KCNQ5: variants seen among roughly 807,000 people sequenced by gnomAD.
The protein encoded by KCNQ5 is potassium voltage-gated channel subfamily KQT member 5.
A neutral mutation model predicts 98.2 loss-of-function variants in KCNQ5; 30 were observed. That is an observed-to-expected ratio of 0.31 (90% CI 0.23 to 0.41). KCNQ5 has a LOEUF of 0.41. Ranked by LOEUF, KCNQ5 falls within the 10% of genes least tolerant of loss-of-function variation. The probability of loss-of-function intolerance (pLI) is 1.00; values close to 1 mark genes in which losing one functional copy is unlikely to be tolerated. For missense variants in KCNQ5, 835 were observed against 1,182.5 expected (o/e 0.71, Z 4.31); for synonymous variants, 458 against 449.4 (o/e 1.02, Z -0.24).
chr6:73,006,296 G>T (rs2150325097), intron 2 of KCNQ5, among the ~76,000 whole-genome samples: 1 of 150,208 alleles, frequency 6.7e-6, no homozygotes, highest in South Asian at 2.1e-4. Context: ...CATATCGAAG[G>T]AATTACCATC....
intron 1 of KCNQ5, among the ~76,000 whole-genome samples, chr6:72,851,793 G>T (rs1777269158): frequency 6.6e-6 from 1 of 151,956 alleles, no homozygotes; most frequent in African/African-American, 2.4e-5. Context: ...GTTATTATTT[G>T]TTTGGTAAAA....
chr6:72,879,621 C>T (rs912835745), intron 1 of KCNQ5, among the ~76,000 whole-genome samples: 5 of 152,178 alleles, frequency 3.3e-5, no homozygotes, highest in African/African-American at 4.8e-5. Context: ...TTTGTTTAAT[C>T]GTCTTGTGTT....
At chr6:72,994,429 GCGT>G in intron 1 of KCNQ5, among the ~76,000 whole-genome samples, 1 of 109,040 alleles carries the variant, frequency 9.2e-6, no homozygotes, top group Non-Finnish European at 1.9e-5. Flanking sequence ...TTTTCCAGGT[GCGT>G]CCGTCACCCC....
rs770686289 is a variant in KCNQ5, at chr6:73,133,673, T to C, written c.1468+32T>C. 67 of 1,570,700 alleles carry C rather than the reference T, an allele frequency of 4.3e-5. No homozygotes were observed. In the South Asian group the frequency reaches 4.6e-4, roughly 11 times the overall value. On this transcript the variant is annotated intron_variant, in intron 10 of 13. Coordinates refer to ENST00000370398, the MANE Select transcript of KCNQ5 (RefSeq NM_019842.4). ...CCTGTTTTTCCATAACCATTTTTAATTGGATAGGCTATAGTGAGTGAGATT... is the reference window on the plus strand; with the variant it reads ...CCTGTTTTTCCATAACCATTTTTAACTGGATAGGCTATAGTGAGTGAGATT...
At chr6:73,116,535 C>T (rs1775504205) in intron 7 of KCNQ5, among the ~76,000 whole-genome samples, 1 of 152,070 alleles carries the variant, frequency 6.6e-6, no homozygotes, top group Non-Finnish European at 1.5e-5. Flanking sequence ...TGCAATGGCA[C>T]ACACCTGTAG....
At chr6:72,920,903 T>C (rs982284237) in intron 1 of KCNQ5, among the ~76,000 whole-genome samples, 6 of 152,094 alleles carry the variant, frequency 3.9e-5, no homozygotes, top group East Asian at 3.9e-4. Flanking sequence ...TTGCGTTCAA[T>C]TGGGAACAAA....
chr6:72,731,330 A>G (rs1770541215), intron 1 of KCNQ5, among the ~76,000 whole-genome samples: 1 of 152,244 alleles, frequency 6.6e-6, no homozygotes, highest in African/African-American at 2.4e-5. Flanking sequence ...AGCAGTTGTC[A>G]TTTAGAAGCA....
chr6:73,095,826 A>T (rs1350772895), intron 5 of KCNQ5, among the ~76,000 whole-genome samples: 1 of 152,200 alleles, frequency 6.6e-6, no homozygotes, highest in Non-Finnish European at 1.5e-5. Context: ...GGTGTCTCCT[A>T]GGTCCTTCAG....
intron 3 of KCNQ5, among the ~76,000 whole-genome samples, chr6:73,050,599 T>C (rs1034821885): frequency 5.9e-5 from 9 of 152,234 alleles, no homozygotes; most frequent in Non-Finnish European, 1.3e-4. Flanking sequence ...TTACATGCGC[T>C]CAATTTTTAT....
intron 1 of KCNQ5, among the ~76,000 whole-genome samples, chr6:72,716,770 T>C (rs1769665265): frequency 6.6e-6 from 1 of 152,174 alleles, no homozygotes; most frequent in Non-Finnish European, 1.5e-5. Context: ...AGAGAGAAGA[T>C]TGTGTTTTCA....
At chr6:73,189,066 A>G (rs1765492263) in intron 11 of KCNQ5, among the ~76,000 whole-genome samples, 1 of 151,862 alleles carries the variant, frequency 6.6e-6, no homozygotes, top group Non-Finnish European at 1.5e-5. Context: ...ATATTTACAT[A>G]ATTGCTCAGG....
chr6:73,191,486 T>A (rs1765586539), intron 12 of KCNQ5, among the ~76,000 whole-genome samples: 1 of 152,198 alleles, frequency 6.6e-6, no homozygotes, highest in South Asian at 2.1e-4. Context: ...TAAATTCAGT[T>A]TTTTAAGAGC....
At position 73,160,179 on chromosome 6, in the gene KCNQ5, G is replaced by GTTT. The variant is rs543691292; in HGVS notation, c.1469-9559_1469-9557dup. On this transcript the variant is annotated intron_variant, in intron 10 of 13. Coordinates refer to ENST00000370398, the MANE Select transcript of KCNQ5 (RefSeq NM_019842.4). ...CAGGCACCCACCACGACGCCCGGCTGTTTTTTTTTTGTATTTTTAGTAGAG... is the reference window on the plus strand; with the variant it reads ...CAGGCACCCACCACGACGCCCGGCTGTTTTTTTTTTTTTGTATTTTTAGTAGAG... Among the ~76,000 whole-genome samples the GTTT allele has an allele frequency of 3.0e-4, 45 of 147,902 alleles. No homozygotes were observed. In the East Asian group the frequency reaches 3.8e-3, roughly 12 times the overall value.
At chr6:72,642,017 T>G (rs1162565641) in intron 1 of KCNQ5, among the ~76,000 whole-genome samples, 1 of 151,598 alleles carries the variant, frequency 6.6e-6, no homozygotes, top group Non-Finnish European at 1.5e-5. Context: ...TGGTCCTGAT[T>G]CAGAGCTACT....
intron 2 of KCNQ5, among the ~76,000 whole-genome samples, chr6:73,033,723 T>TC (rs1771258275): frequency 1.3e-5 from 2 of 151,246 alleles, no homozygotes; most frequent in South Asian, 4.2e-4. Flanking sequence ...ATGACCCCCT[T>TC]CCCCCCATAC....
chr6:73,044,768 G>C (rs1243009346), intron 3 of KCNQ5, among the ~76,000 whole-genome samples: 4 of 152,110 alleles, frequency 2.6e-5, no homozygotes, highest in Non-Finnish European at 5.9e-5. Flanking sequence ...AAAAGAAATA[G>C]CATCTCTTAT....
intron 1 of KCNQ5, among the ~76,000 whole-genome samples, chr6:72,988,305 C>T (rs907566645): frequency 1.3e-5 from 2 of 151,994 alleles, no homozygotes; most frequent in African/African-American, 4.8e-5. Context: ...CTGGGATCAC[C>T]CAACCACTAA....
At chr6:72,736,381 CA>C (rs1189988776) in intron 1 of KCNQ5, among the ~76,000 whole-genome samples, 5 of 146,990 alleles carry the variant, frequency 3.4e-5, no homozygotes, top group Admixed American at 2.0e-4. Context: ...ATTACATTGA[CA>C]AAAAAAGATG....
intron 1 of KCNQ5, among the ~76,000 whole-genome samples, chr6:72,790,377 A>G (rs2154478225): frequency 6.6e-6 from 1 of 152,332 alleles, no homozygotes; most frequent in South Asian, 2.1e-4. Context: ...TACAGATTAA[A>G]TATAGAAAAA....
Sources: gnomAD v4.1 joint callset for allele counts (sites outside exome capture counted in the v4.1 genomes callset) on GRCh38, gnomAD v4.1.1 for gene constraint, MANE v1.5 for transcripts, NCBI Gene and HGNC (gene_info 2026-07-23, HGNC 2026-07-21) for gene names.